The following MAPK10 variants were observed in gnomAD, a reference collection of about 807,000 sequenced individuals.
The protein encoded by MAPK10 is mitogen-activated protein kinase 10.
MAPK10 carries 25 observed loss-of-function variants against 59.3 expected under a neutral mutation model. The ratio of observed to expected loss-of-function variants is 0.42; its 90% CI spans 0.31 to 0.59. MAPK10 has a LOEUF of 0.59. MAPK10 is among the 20% of genes least tolerant of loss of function. The probability of loss-of-function intolerance (pLI) is 0.15; values close to 1 mark genes in which losing one functional copy is unlikely to be tolerated. For synonymous variants in MAPK10, 190 were observed against 200.5 expected, an observed-to-expected ratio of 0.95 and a Z score of 0.44; for missense variants, 351 against 568.9, an observed-to-expected ratio of 0.62 and a Z score of 3.90.
chr4:86,290,852 G>A (rs957653845), intron 2 of MAPK10, among the ~76,000 whole-genome samples: 3 of 152,158 alleles, frequency 2.0e-5, no homozygotes, highest in African/African-American at 7.2e-5. Flanking sequence ...TGAAAAACTA[G>A]TATGTAAAAG....
At chr4:86,451,065 G>A (rs1750640906) in intron 1 of MAPK10, among the ~76,000 whole-genome samples, 1 of 152,070 alleles carries the variant, frequency 6.6e-6, no homozygotes. Context: ...TAAAGAGGAT[G>A]GAGATTTACA....
chr4:86,414,872 G>T (rs1420751926), intron 1 of MAPK10, among the ~76,000 whole-genome samples: 3 of 152,094 alleles, frequency 2.0e-5, no homozygotes, highest in African/African-American at 7.2e-5. Flanking sequence ...ACAGCTGGGG[G>T]TAAACCAGCT....
chr4:86,507,587 A>G (rs1369817969), intron 1 of MAPK10, among the ~76,000 whole-genome samples: 3 of 126,346 alleles, frequency 2.4e-5, no homozygotes, highest in Non-Finnish European at 4.9e-5. Context: ...ATGTAATACC[A>G]TGTTACTATT....
At chr4:86,139,694 A>C (rs1434139407) in intron 4 of MAPK10, among the ~76,000 whole-genome samples, 1 of 152,186 alleles carries the variant, frequency 6.6e-6, no homozygotes, top group Non-Finnish European at 1.5e-5. Context: ...GGATCTAATT[A>C]AACTAAAGAG....
rs766751175 is a variant in MAPK10, at chr4:86,159,390, G to C, written c.144C>G (p.Phe48Leu). ...TTGAGTCTCCCACTTCCACACTGTA[G>C]AACTGGTTGTCAACTTTGCTTTTGC... The part of the protein sequence containing the change: ...NMSKSKVDNQ[F>L]YSVEVGDSTF... The change falls in exon 4 of 14, where the codon TTC becomes TTG. Residue 48 changes from phenylalanine (F) to leucine (L), a missense_variant. Phe to Leu is a conservative substitution (Grantham distance 22). Around this residue, in one of 5 missense-constraint regions of MAPK10, gnomAD observed 61 missense variants for 58.4 expected, o/e 1.05. Coordinates refer to ENST00000641462, the MANE Select transcript of MAPK10 (RefSeq NM_138982.4). The C allele has an allele frequency of 3.5e-5, 56 of 1,612,754 alleles. No homozygotes were observed. Among genetic ancestry groups the C allele is most frequent in the Non-Finnish European group, 4.5e-5 (53 of 1,179,180 alleles).
chr4:86,451,304 A>G (rs1750689161), intron 1 of MAPK10, among the ~76,000 whole-genome samples: 1 of 152,202 alleles, frequency 6.6e-6, no homozygotes, highest in Non-Finnish European at 1.5e-5. Flanking sequence ...ACAGCCTTAT[A>G]TTAGCAGTTC....
intron 2 of MAPK10, among the ~76,000 whole-genome samples, chr4:86,210,194 A>T (rs1013256316): frequency 9.2e-5 from 14 of 152,062 alleles, no homozygotes; most frequent in African/African-American, 3.1e-4. Flanking sequence ...TTTTGGGGAA[A>T]CTCTCCAGGA....
intron 2 of MAPK10, among the ~76,000 whole-genome samples, chr4:86,237,612 T>C (rs1231285234): frequency 6.6e-6 from 1 of 152,212 alleles, no homozygotes; most frequent in Non-Finnish European, 1.5e-5. Flanking sequence ...TTCAGTGATG[T>C]TAAGCTTTTT....
At chr4:86,068,139 CT>C (rs2148994974) in intron 9 of MAPK10, among the ~76,000 whole-genome samples, 184 bp from the exon 10 acceptor site, 1 of 152,262 alleles carries the variant, frequency 6.6e-6, no homozygotes, top group South Asian at 2.1e-4. Context: ...TTTAAATTCA[CT>C]TTTGAAACTT....
At chr4:86,407,038 T>C (rs986588917) in intron 1 of MAPK10, among the ~76,000 whole-genome samples, 2 of 152,128 alleles carry the variant, frequency 1.3e-5, no homozygotes, top group African/African-American at 4.8e-5. Flanking sequence ...AAGGAATGAA[T>C]CTCTGGTATG....
intron 2 of MAPK10, among the ~76,000 whole-genome samples, chr4:86,282,254 C>T (rs1468492458): frequency 1.3e-5 from 2 of 152,034 alleles, no homozygotes; most frequent in African/African-American, 4.8e-5. Context: ...CAGAAATCTC[C>T]ACAATGTTTT....
chr4:86,407,479 G>A lies in MAPK10; in HGVS notation c.-122+45551C>T, dbSNP rs185639102. Among the ~76,000 whole-genome samples the A allele has an allele frequency of 5.3e-5, 8 of 152,216 alleles. No individual in the cohort carries two copies. In the East Asian group the frequency reaches 1.4e-3, roughly 26 times the overall value. ...ATGTCATTCACTGAATGAAAGGCAC[G>A]GCTAGAATTTGAATCCAGTCGGTCT... On this transcript the variant is annotated intron_variant, in intron 1 of 13. Coordinates refer to the MAPK10 transcript ENST00000361569.
At chr4:86,577,752 G>A (rs1012507860) in intron 1 of MAPK10, among the ~76,000 whole-genome samples, 4 of 152,126 alleles carry the variant, frequency 2.6e-5, no homozygotes, top group Admixed American at 6.6e-5. Flanking sequence ...GGTTGCAATC[G>A]TTATAAAGGC....
intron 1 of MAPK10, among the ~76,000 whole-genome samples, chr4:86,367,728 T>C (rs1002164847): frequency 2.6e-5 from 4 of 152,070 alleles, no homozygotes; most frequent in African/African-American, 9.7e-5. Context: ...CTTGCAAAAC[T>C]TGTGACCACT....
chr4:86,265,871 T>G (rs867287476), intron 2 of MAPK10, among the ~76,000 whole-genome samples: 1 of 152,130 alleles, frequency 6.6e-6, no homozygotes, highest in Non-Finnish European at 1.5e-5. Context: ...CATTGTTGAG[T>G]TGGGGTTCAT....
chr4:86,237,073 G>A (rs1394731217), intron 2 of MAPK10, among the ~76,000 whole-genome samples: 2 of 152,144 alleles, frequency 1.3e-5, no homozygotes, highest in East Asian at 3.9e-4. Flanking sequence ...TCCCACTTAT[G>A]AGTGAGAACA....
intron 2 of MAPK10, chr4:86,336,524 G>T (rs939721579): frequency 6.6e-6 from 1 of 152,046 alleles, no homozygotes; most frequent in Non-Finnish European, 1.5e-5. Flanking sequence ...GACAAACATG[G>T]AATCATCAAG....
At chr4:86,519,956 A>G (rs1396203675) in intron 1 of MAPK10, among the ~76,000 whole-genome samples, 1 of 152,192 alleles carries the variant, frequency 6.6e-6, no homozygotes, top group African/African-American at 2.4e-5. Flanking sequence ...AATCTCTTCT[A>G]GTTTGCAGGG....
At position 86,012,853 on chromosome 4, in the gene MAPK10, C is replaced by T. The variant is rs1032141265; in HGVS notation, c.*4375G>A. The stretch of plus-strand genomic sequence containing the variant: ...AAGGGTGCATGTGAATGTGGGTATG[C>T]ATGTGTGTGTGCTTTAAGTCCATTT... On this transcript the variant is annotated 3_prime_UTR_variant, in exon 14 of 14. Coordinates refer to ENST00000641462, the MANE Select transcript of MAPK10 (RefSeq NM_138982.4). The T allele has an allele frequency of 2.6e-5, 4 of 152,158 alleles. No individual in the cohort carries two copies. Among genetic ancestry groups the T allele is most frequent in the African/African-American group, 9.7e-5 (4 of 41,442 alleles). 9.4% of individuals were successfully genotyped at this position (152,158 alleles called of 1,614,324 possible).
Sources: allele counts gnomAD v4.1 joint callset (sites outside exome capture counted in the v4.1 genomes callset), GRCh38; gene constraint gnomAD v4.1.1; regional missense constraint gnomAD v4.1.1; transcripts MANE v1.5; gene names NCBI Gene and HGNC (gene_info 2026-07-23, HGNC 2026-07-21).